Variants in SLC25A26 observed in about 807,000 individuals in gnomAD.
The protein encoded by SLC25A26 is mitochondrial S-adenosylmethionine carrier protein.
Under a neutral mutation model 37.8 loss-of-function variants are expected in SLC25A26, and 36 were observed. That is an observed-to-expected ratio of 0.95 (90% CI 0.73 to 1.26). The LOEUF is 1.26. Among genes scored for constraint, SLC25A26 ranks in the 50% most tolerant of loss-of-function variants. The pLI is 0.00. For synonymous variants in SLC25A26, 129 were observed against 122.5 expected (o/e 1.05, Z -0.35); for missense variants, 390 against 331.1 (o/e 1.18, Z -1.38).
intron 6 of SLC25A26, among the ~76,000 whole-genome samples, chr3:66,347,174 G>T (rs1474736084): frequency 2.0e-5 from 3 of 152,148 alleles, no homozygotes; most frequent in Non-Finnish European, 2.9e-5. Context: ...ACTATCATCA[G>T]AGCGTTCAGA....
At chr3:66,310,289 A>G (rs908132187) in intron 5 of SLC25A26, among the ~76,000 whole-genome samples, 2 of 152,120 alleles carry the variant, frequency 1.3e-5, no homozygotes, top group African/African-American at 4.8e-5. Context: ...TTGTTGGTTT[A>G]AAGTCTGTTT....
intron 5 of SLC25A26, among the ~76,000 whole-genome samples, chr3:66,298,728 G>T (rs1209558905): frequency 1.3e-5 from 2 of 152,114 alleles, no homozygotes; most frequent in East Asian, 3.9e-4. Context: ...TGTTAGGAAA[G>T]ATCACAAACA....
At chr3:66,362,742 A>G in intron 6 of SLC25A26, 118 bp from the exon 7 acceptor site, 1 of 591,134 alleles carries the variant, frequency 1.7e-6, no homozygotes, top group Non-Finnish European at 2.9e-6. Context: ...TGTCATCAGT[A>G]AAGAATGCCA....
intron 2 of SLC25A26, among the ~76,000 whole-genome samples, chr3:66,241,561 T>C (rs1018783981): frequency 1.3e-5 from 2 of 152,224 alleles, no homozygotes; most frequent in African/African-American, 4.8e-5. Flanking sequence ...AATGTGGTTT[T>C]GAATTATTAG....
chr3:66,369,873 G>C lies in SLC25A26; in HGVS notation c.633+331G>C, dbSNP rs969020723. Among the ~76,000 whole-genome samples, 95 of 152,212 alleles carry C rather than the reference G, an allele frequency of 6.2e-4. 1 individual carries two copies. The highest frequency in any genetic ancestry group is 1.2e-4 in the Non-Finnish European group (8 of 68,036). On this transcript the variant is annotated intron_variant, in intron 8 of 9. Coordinates refer to ENST00000354883, the MANE Select transcript of SLC25A26 (RefSeq NM_001379210.1). ...CTGCTATGTGGCAGGTAAGTGACAG[G>C]CTTTGAACCTAGGGTCATGGTTGGC... is the stretch of plus-strand genomic sequence containing the variant.
Position 66,180,425 on chromosome 3 carries a change from C to CT in SLC25A26, c.-353-40316dup, listed in dbSNP as rs201447063. Among the ~76,000 whole-genome samples the CT allele has an allele frequency of 1.5e-3, 228 of 152,334 alleles. 1 individual carries two copies. The highest frequency in any genetic ancestry group is 6.8e-3 in the Middle Eastern group (2 of 294). On this transcript the variant is annotated intron_variant, in intron 1 of 10. Coordinates refer to the SLC25A26 transcript ENST00000676754. Reference sequence around the variant, plus strand: ...CAGAGCAACGGAAGTGATTTCAAAACTCTTGACTCCTTCAGACCCACCAGC... The same window carrying CT: ...CAGAGCAACGGAAGTGATTTCAAAACTTCTTGACTCCTTCAGACCCACCAGC...
chr3:66,292,700 A>C (rs1341657056), intron 5 of SLC25A26, among the ~76,000 whole-genome samples: 1 of 152,086 alleles, frequency 6.6e-6, no homozygotes, highest in Non-Finnish European at 1.5e-5. Flanking sequence ...GGGTAACCCG[A>C]CCTTTCTCTC....
chr3:66,250,749 G>A lies in SLC25A26; in HGVS notation c.300+7437G>A, dbSNP rs913296178. Among the ~76,000 whole-genome samples the A allele has an allele frequency of 8.5e-5, 13 of 152,222 alleles. No individual in the cohort carries two copies. In the South Asian group the frequency reaches 1.0e-3, roughly 12 times the overall value. ...AGGGAAGGAGGGGTTGGTTTTCTCC[G>A]GACTGGGGTAGATGGATGGGTGTTA... On this transcript the variant is annotated intron_variant, in intron 3 of 9. Transcript: ENST00000354883.
At chr3:66,339,156 G>A (rs527903819) in intron 5 of SLC25A26, among the ~76,000 whole-genome samples, 2 of 151,886 alleles carry the variant, frequency 1.3e-5, no homozygotes, top group Non-Finnish European at 2.9e-5. Flanking sequence ...TTTTATCAGT[G>A]GATTTTATTC....
Position 66,357,859 on chromosome 3 carries a change from C to T in SLC25A26, c.499-5001C>T, listed in dbSNP as rs144156284. On this transcript the variant is annotated intron_variant, in intron 6 of 9. Transcript: ENST00000354883. ...AGGAAACAGACTGCTATTTGCAGGA[C>T]GAACCAGCCTCAGTTTTCCCATTTA... is the stretch of plus-strand genomic sequence containing the variant. Among the ~76,000 whole-genome samples the T allele has an allele frequency of 4.0e-4, 61 of 152,254 alleles. 1 individual carries two copies. Among genetic ancestry groups the T allele is most frequent in the African/African-American group, 1.4e-3 (60 of 41,532 alleles).
chr3:66,298,431 GTAAA>G (rs1173341317), intron 5 of SLC25A26, among the ~76,000 whole-genome samples: 13 of 152,294 alleles, frequency 8.5e-5, no homozygotes, highest in Admixed American at 7.2e-4. Flanking sequence ...GGACAGAAAA[GTAAA>G]TATGATTTAT....
At chr3:66,244,546 T>C (rs1576698710) in intron 3 of SLC25A26, among the ~76,000 whole-genome samples, 1 of 152,314 alleles carries the variant, frequency 6.6e-6, no homozygotes, top group South Asian at 2.1e-4. Context: ...TTAATAACAA[T>C]AGCCCACAGG....
intron 1 of SLC25A26, among the ~76,000 whole-genome samples, chr3:66,198,056 C>G (rs887656568): frequency 1 from 151,947 of 152,208 alleles, 75,843 homozygotes; most frequent in Non-Finnish European, 1. Context: ...GTCAGGCTGA[C>G]GGTCAAGGTC....
In SLC25A26 at chr3:66,377,845, G is replaced by A. The variant is rs749972648; in HGVS notation, c.*38G>A. The A allele has an allele frequency of 1.3e-6, 2 of 1,500,322 alleles. No individual in the cohort carries two copies. The highest frequency in any genetic ancestry group is 1.1e-5 in the South Asian group (1 of 88,770). The allele number at this position is 1,500,322 out of a possible 1,614,324, so 92.9% of individuals were successfully genotyped here. A position where few individuals can be genotyped will look rare whatever the true frequency, so the allele number is the denominator to read the frequency against. ...CCTCACCTCCACTTCTGTCAAGAGA[G>A]GGGCCTGCAGTGCAAACCCTCTTCC... On this transcript the variant is annotated 3_prime_UTR_variant, in exon 10 of 10. Coordinates refer to ENST00000354883, the MANE Select transcript of SLC25A26 (RefSeq NM_001379210.1).
intron 5 of SLC25A26, among the ~76,000 whole-genome samples, chr3:66,325,019 T>C (rs907139192): frequency 6.6e-6 from 1 of 152,158 alleles, no homozygotes; most frequent in African/African-American, 2.4e-5. Flanking sequence ...TTATATACTA[T>C]CTTATTAGGG....
chr3:66,154,416 C>T, intron 1 of SLC25A26, among the ~76,000 whole-genome samples: 1 of 152,098 alleles, frequency 6.6e-6, no homozygotes, highest in South Asian at 2.1e-4. Flanking sequence ...TTCTTCCACA[C>T]TTACTGTCTC....
At chr3:66,251,429 T>A (rs1468548656) in intron 3 of SLC25A26, among the ~76,000 whole-genome samples, 1 of 152,180 alleles carries the variant, frequency 6.6e-6, no homozygotes, top group Non-Finnish European at 1.5e-5. Context: ...TCATCATGGA[T>A]GCCTTTTAGT....
At chr3:66,143,418 G>T (rs1293013466) in intron 1 of SLC25A26, among the ~76,000 whole-genome samples, 1 of 152,174 alleles carries the variant, frequency 6.6e-6, no homozygotes, top group Non-Finnish European at 1.5e-5. Context: ...CTGAGCAACT[G>T]CAGTGTTCCC....
At chr3:66,318,452 C>T (rs951707013) in intron 5 of SLC25A26, among the ~76,000 whole-genome samples, 6 of 152,058 alleles carry the variant, frequency 3.9e-5, no homozygotes, top group Admixed American at 1.3e-4. Flanking sequence ...GTGAAGCTCC[C>T]GGGTGGGCCC....
Sources: allele counts gnomAD v4.1 joint callset (sites outside exome capture counted in the v4.1 genomes callset), GRCh38; gene constraint gnomAD v4.1.1; transcripts MANE v1.5; gene names NCBI Gene and HGNC (gene_info 2026-07-23, HGNC 2026-07-21).